NVL: variants seen among roughly 807,000 people sequenced by gnomAD.
NVL encodes the protein nuclear valosin-containing protein-like.
NVL carries 84 observed loss-of-function variants against 110.2 expected under a neutral mutation model. The observed-to-expected ratio is 0.76, with a 90% CI of 0.64 to 0.91. NVL has a LOEUF of 0.91. Among genes scored for constraint, NVL ranks in the 40% least tolerant of loss-of-function variants. NVL has a pLI of 0.00. For synonymous variants in NVL, 354 were observed against 361.1 expected (o/e 0.98, Z 0.22); for missense variants, 882 against 1,035.9 (o/e 0.85, Z 2.04).
chr1:224,259,426 G>C (rs1277718991), intron 18 of NVL, among the ~76,000 whole-genome samples: 1 of 151,942 alleles, frequency 6.6e-6, no homozygotes. Flanking sequence ...TTGTTGGGAT[G>C]GCTGTAAAGC....
At chr1:224,292,929 A>G (rs1044777113) in intron 12 of NVL, among the ~76,000 whole-genome samples, 2 of 151,720 alleles carry the variant, frequency 1.3e-5, no homozygotes, top group African/African-American at 4.8e-5. Flanking sequence ...TTTTTTGTGT[A>G]TTTTTAGTAG....
rs1344576072 is a variant in NVL at position 224,231,167 on chromosome 1, A to AT, written c.2526+58dup. The AT allele has an allele frequency of 3.7e-5, 43 of 1,146,830 alleles. No individual in the cohort carries two copies. The Admixed American group carries it at 7.4e-4, about 20-fold the overall frequency. 71.0% of individuals were successfully genotyped at this position (1,146,830 alleles called of 1,614,324 possible). On this transcript the variant is annotated intron_variant, in intron 22 of 22. Coordinates refer to ENST00000281701, the MANE Select transcript of NVL (RefSeq NM_002533.4). ...AAAAAAGAGTTTAATTCATGAGGTCATATCTACTGGTCTAAAATTCTAGTT... is the reference window on the plus strand; with the variant it reads ...AAAAAAGAGTTTAATTCATGAGGTCATTATCTACTGGTCTAAAATTCTAGTT...
intron 2 of NVL, among the ~76,000 whole-genome samples, chr1:224,325,471 C>T (rs1410592532): frequency 2.7e-5 from 4 of 150,168 alleles, no homozygotes; most frequent in African/African-American, 7.3e-5. Flanking sequence ...CTGTGGCTCA[C>T]GTCTGTAATC....
intron 18 of NVL, among the ~76,000 whole-genome samples, chr1:224,260,719 T>G (rs1663875317): frequency 6.9e-6 from 1 of 144,772 alleles, no homozygotes; most frequent in Admixed American, 6.8e-5. Flanking sequence ...TTTTTTTTTT[T>G]GAGACAGGGT....
chr1:224,281,069 G>T, intron 16 of NVL, 54 bp downstream of exon 16: 1 of 1,448,478 alleles, frequency 6.9e-7, no homozygotes, highest in Non-Finnish European at 9.7e-7. Context: ...CCCGTAATTT[G>T]CATGACCATT....
chr1:224,300,833 GGTGGCTCAGGCCTATAATCCC>G (rs1234642816), intron 9 of NVL, among the ~76,000 whole-genome samples, 170 bp from the exon 10 acceptor site: 1 of 152,148 alleles, frequency 6.6e-6, no homozygotes. Flanking sequence ...GGCCGGGCAT[GGTGGCTCAGGCCTATAATCCC>G]ACTACTTTGG....
chr1:224,252,026 T>C (rs557376594), intron 18 of NVL, among the ~76,000 whole-genome samples: 2 of 152,346 alleles, frequency 1.3e-5, no homozygotes, highest in East Asian at 3.9e-4. Flanking sequence ...GAAATCCCTT[T>C]AGGATCTGAC....
intron 18 of NVL, among the ~76,000 whole-genome samples, 154 bp downstream of exon 18, chr1:224,267,880 C>A (rs926840294): frequency 2.6e-5 from 4 of 152,054 alleles, no homozygotes; most frequent in African/African-American, 9.7e-5. Flanking sequence ...AAATGGATTG[C>A]CCAAATTTAA....
intron 10 of NVL, 147 bp from the exon 11 acceptor site, chr1:224,296,765 T>C: frequency 1.9e-6 from 1 of 532,368 alleles, no homozygotes; most frequent in Non-Finnish European, 3.3e-6. Flanking sequence ...TCACATGTGT[T>C]ACTTCTGATT....
chr1:224,268,020 T>C lies in NVL; in HGVS notation c.2182+14A>G. 6.3e-7 allele frequency: 1 copy of C among 1,582,184 alleles called. No homozygotes were observed. Among genetic ancestry groups the C allele is most frequent in the Non-Finnish European group, 8.7e-7 (1 of 1,152,424 alleles). On this transcript the variant is annotated intron_variant, in intron 18 of 22. Coordinates refer to ENST00000281701, the MANE Select transcript of NVL (RefSeq NM_002533.4). Reference sequence around the variant, plus strand: ...TTTTAGATTCATCTGTGTTACAATATTTTTATTTCTTACCTGGCCTGTTAG... The same window carrying C: ...TTTTAGATTCATCTGTGTTACAATACTTTTATTTCTTACCTGGCCTGTTAG...
At chr1:224,328,602 G>T (rs1425674752) in intron 1 of NVL, among the ~76,000 whole-genome samples, 1 of 152,134 alleles carries the variant, frequency 6.6e-6, no homozygotes, top group Middle Eastern at 3.2e-3. Flanking sequence ...GACTAAGATG[G>T]TTACAGGGAA....
intron 17 of NVL, among the ~76,000 whole-genome samples, chr1:224,274,059 C>CACACACACACACACA (rs56312516): frequency 2.3e-5 from 3 of 133,100 alleles, no homozygotes; most frequent in Admixed American, 7.0e-5. Context: ...CACACACACA[C>CACACACACACACACA]CCATATTGAA....
At chr1:224,289,364 A>G in intron 13 of NVL, 120 bp downstream of exon 13, 1 of 966,258 alleles carries the variant, frequency 1.0e-6, no homozygotes, top group Non-Finnish European at 1.5e-6. Flanking sequence ...TAAGTATTCT[A>G]TAGATTAAAT....
At chr1:224,241,376 G>A (rs6664230) in intron 19 of NVL, among the ~76,000 whole-genome samples, 115,837 of 151,998 alleles carry the variant, frequency 0.76, 45,332 homozygotes, top group South Asian at 0.87. Flanking sequence ...TTATTGAAAT[G>A]GTACTAGGAT....
chr1:224,306,790 G>C (rs1422774279), intron 6 of NVL, among the ~76,000 whole-genome samples: 7 of 152,112 alleles, frequency 4.6e-5, no homozygotes, highest in Admixed American at 1.3e-4. Context: ...CCGTGATCAT[G>C]CCACTCCACC....
At chr1:224,313,757 C>T (rs1236279508) in intron 4 of NVL, among the ~76,000 whole-genome samples, 1 of 152,194 alleles carries the variant, frequency 6.6e-6, no homozygotes, top group Non-Finnish European at 1.5e-5. Context: ...AACCCCAGCA[C>T]TTTGGGAGGC....
intron 22 of NVL, among the ~76,000 whole-genome samples, chr1:224,228,618 T>G (rs1039397775): frequency 1.3e-5 from 2 of 149,900 alleles, no homozygotes; most frequent in Non-Finnish European, 3.0e-5. Flanking sequence ...AGTAGAAGCT[T>G]CTTACACTAC....
chr1:224,300,535 C>G (rs1434826777), intron 10 of NVL, 27 bp downstream of exon 10: 1 of 1,548,322 alleles, frequency 6.5e-7, no homozygotes, highest in East Asian at 2.2e-5. Flanking sequence ...CGTCTGACCA[C>G]CTGGCATTAG....
intron 2 of NVL, among the ~76,000 whole-genome samples, chr1:224,321,217 C>A (rs1349827543): frequency 3.3e-5 from 5 of 152,042 alleles, no homozygotes; most frequent in African/African-American, 1.2e-4. Flanking sequence ...TGCACTCCAA[C>A]CTGGATGATA....
Sources: gnomAD v4.1 joint callset for allele counts (sites outside exome capture counted in the v4.1 genomes callset) on GRCh38, gnomAD v4.1.1 for gene constraint, MANE v1.5 for transcripts, NCBI Gene and HGNC (gene_info 2026-07-23, HGNC 2026-07-21) for gene names.